Variants in CCDC102B observed in about 807,000 individuals in gnomAD.
The protein encoded by CCDC102B is coiled-coil domain containing 102B, also known as coiled-coil domain-containing protein 102B.
In CCDC102B, 75 loss-of-function variants were observed where a neutral mutation model predicts 57.4. That is an observed-to-expected ratio of 1.31 (90% confidence interval 1.08 to 1.58). The LOEUF (loss-of-function observed/expected upper bound fraction) is 1.58, where lower values mean the gene tolerates loss of function less well. Ranked by LOEUF, CCDC102B falls within the 40% of genes most tolerant of loss-of-function variation. CCDC102B has a pLI of 0.00. For synonymous variants in CCDC102B, 206 were observed against 201.9 expected, an observed-to-expected ratio of 1.02 and a Z score of -0.17; for missense variants, 636 against 582.6, an observed-to-expected ratio of 1.09 and a Z score of -0.94.
Position 68,859,177 on chromosome 18 carries a change from C to A in CCDC102B, c.936+12756C>A, listed in dbSNP as rs1476659819. ...CTACAACTATCTGATCTTTGACAAA[C>A]CTGAGAAAAACAAGCAATGGGGAAA... is the stretch of plus-strand genomic sequence containing the variant. On this transcript the variant is annotated intron_variant, in intron 4 of 7. Transcript: ENST00000360242. 2.1e-3 allele frequency: 294 copies of A among 141,286 alleles called. 1 individual carries two copies. Among genetic ancestry groups the A allele is most frequent in the Middle Eastern group, 3.5e-3 (1 of 284 alleles). 8.8% of individuals were successfully genotyped at this position (141,286 alleles called of 1,614,324 possible).
intron 6 of CCDC102B, among the ~76,000 whole-genome samples, chr18:68,970,882 C>T (rs926100305): frequency 6.6e-6 from 1 of 151,860 alleles, no homozygotes; most frequent in Non-Finnish European, 1.5e-5. Context: ...AACTGTTTTA[C>T]TGTAAGCATG....
intron 7 of CCDC102B, among the ~76,000 whole-genome samples, chr18:69,020,090 T>C (rs2051788387): frequency 6.6e-6 from 1 of 152,136 alleles, no homozygotes; most frequent in Non-Finnish European, 1.5e-5. Context: ...GTGTAGTTTT[T>C]AGTAAAAATA....
intron 6 of CCDC102B, among the ~76,000 whole-genome samples, chr18:68,936,107 C>G (rs568879599): frequency 6.6e-5 from 10 of 151,996 alleles, no homozygotes; most frequent in African/African-American, 2.4e-4. Context: ...GTGAAATTAT[C>G]TAAAGGCTCT....
intron 1 of CCDC102B, among the ~76,000 whole-genome samples, chr18:68,813,318 A>G (rs1425995296): frequency 3.3e-5 from 5 of 151,866 alleles, no homozygotes. Flanking sequence ...AATTAAACCT[A>G]TTTTCTTCAT....
chr18:68,755,404 G>A lies in CCDC102B; in HGVS notation c.-67+38810G>A, dbSNP rs184098696. ...CACTGAAAAGTTGTAATGGAAGAGA[G>A]AACAACCATGGAATCTATGAAAAAT... On this transcript the variant is annotated intron_variant, in intron 2 of 3. Coordinates refer to the CCDC102B transcript ENST00000578970. 3.5e-3 allele frequency among the ~76,000 whole-genome samples: 533 copies of A among 152,216 alleles called. 1 individual carries two copies. The highest frequency in any genetic ancestry group is 0.012 in the African/African-American group (513 of 41,536).
chr18:68,965,307 AT>A (rs71176924), intron 6 of CCDC102B, among the ~76,000 whole-genome samples: 25,602 of 148,342 alleles, frequency 0.17, 2,577 homozygotes, highest in African/African-American at 0.28. Context: ...TTCAAGTGAG[AT>A]TTTTTTTTTC....
chr18:68,880,433 A>G (rs183347259), intron 5 of CCDC102B, among the ~76,000 whole-genome samples: 2,110 of 152,266 alleles, frequency 0.014, 56 homozygotes, highest in African/African-American at 0.049. Flanking sequence ...CAGCCCAGAA[A>G]GGGGCTCCCA....
chr18:68,906,833 A>ATTTTTTTTTTTTTT (rs58285229), intron 6 of CCDC102B, among the ~76,000 whole-genome samples: 1 of 133,510 alleles, frequency 7.5e-6, no homozygotes, highest in Admixed American at 7.5e-5. Flanking sequence ...GACGAATTCT[A>ATTTTTTTTTTTTTT]TTTTTTTTTT....
chr18:68,735,710 C>G (rs549111733), intron 2 of CCDC102B, among the ~76,000 whole-genome samples: 1 of 152,312 alleles, frequency 6.6e-6, no homozygotes, highest in South Asian at 2.1e-4. Flanking sequence ...CCTCATCACA[C>G]TGCTTTGCCC....
chr18:68,999,011 G>GAC (rs2051124682), intron 6 of CCDC102B, among the ~76,000 whole-genome samples: 1 of 126,894 alleles, frequency 7.9e-6, no homozygotes, highest in Non-Finnish European at 1.7e-5. Flanking sequence ...GAGAGAGAGA[G>GAC]AGAGAGAGAG....
chr18:68,785,074 G>A (rs1270936778), intron 2 of CCDC102B, among the ~76,000 whole-genome samples: 9 of 148,794 alleles, frequency 6.0e-5, no homozygotes, highest in Non-Finnish European at 8.9e-5. Flanking sequence ...GAGAATATGC[G>A]GTGTTTGGTT....
intron 1 of CCDC102B, among the ~76,000 whole-genome samples, chr18:68,835,665 A>G (rs1599538759): frequency 6.6e-6 from 1 of 152,198 alleles, no homozygotes; most frequent in East Asian, 1.9e-4. Flanking sequence ...TCACATAGCA[A>G]AGGATTCAGA....
chr18:68,950,255 G>A (rs1267437623), intron 6 of CCDC102B, among the ~76,000 whole-genome samples: 1 of 152,072 alleles, frequency 6.6e-6, no homozygotes, highest in Non-Finnish European at 1.5e-5. Context: ...ATGTATAGAT[G>A]TGAATTGGCT....
upstream of CCDC102B, among the ~76,000 whole-genome samples, chr18:68,794,868 C>T (rs905400333): frequency 1.3e-5 from 2 of 151,888 alleles, no homozygotes; most frequent in Non-Finnish European, 2.9e-5. Context: ...GCAGACTTGG[C>T]AATAAGGATG....
At chr18:69,029,883 G>A (rs2052092178) in intron 7 of CCDC102B, among the ~76,000 whole-genome samples, 1 of 152,074 alleles carries the variant, frequency 6.6e-6, no homozygotes, top group African/African-American at 2.4e-5. Flanking sequence ...TTATGAAATT[G>A]GGATTCTGTT....
At chr18:68,973,684 T>C (rs1300275221) in intron 6 of CCDC102B, among the ~76,000 whole-genome samples, 1 of 152,140 alleles carries the variant, frequency 6.6e-6, no homozygotes, top group African/African-American at 2.4e-5. Flanking sequence ...TAAAATATCA[T>C]TACGGATTTA....
chr18:68,857,765 T>G (rs954275700), intron 4 of CCDC102B, among the ~76,000 whole-genome samples: 3 of 152,136 alleles, frequency 2.0e-5, no homozygotes, highest in Non-Finnish European at 1.5e-5. Context: ...TGACGTTGAA[T>G]GGCTTCAGAA....
chr18:68,800,523 C>G (rs1315960777), intron 1 of CCDC102B, among the ~76,000 whole-genome samples: 1 of 152,144 alleles, frequency 6.6e-6, no homozygotes, highest in Non-Finnish European at 1.5e-5. Flanking sequence ...GCTTTTCTCT[C>G]TCTTACATTT....
chr18:68,836,935 T>C lies in CCDC102B; in HGVS notation c.172T>C (p.Cys58Arg), dbSNP rs1248701858. The change falls in exon 2 of 8, where the codon TGT (cysteine) becomes CGT (arginine). Residue 58 changes from cysteine (C) to arginine (R), a missense_variant. Transcript: ENST00000360242. ...GLQSHAAHNF[C>R]AHSYNTNKWD... ...ACAATCTCATGCTGCTCACAATTTC[T>C]GTGCTCACTCATATAACACCAACAA... The C allele has an allele frequency of 1.2e-6, 2 of 1,614,178 alleles. No homozygotes were observed. The highest frequency in any genetic ancestry group is 4.5e-5 in the East Asian group (2 of 44,872).
Sources: allele counts gnomAD v4.1 joint callset (sites outside exome capture counted in the v4.1 genomes callset), GRCh38; gene constraint gnomAD v4.1.1; transcripts MANE v1.5; gene names NCBI Gene and HGNC (gene_info 2026-07-23, HGNC 2026-07-21).